STIM2: variants seen among roughly 807,000 people sequenced by gnomAD.
STIM2 encodes stromal interaction molecule 2.
Under a neutral mutation model 85.8 loss-of-function variants are expected in STIM2, and 31 were observed. That is an observed-to-expected ratio of 0.36 (90% CI 0.27 to 0.49). The LOEUF (loss-of-function observed/expected upper bound fraction) is 0.49, where lower values mean the gene tolerates loss of function less well. STIM2 is among the 20% of genes least tolerant of loss of function. STIM2 has a pLI of 0.98. For missense variants in STIM2, 841 were observed against 927.6 expected (o/e 0.91, Z 1.21); for synonymous variants, 356 against 331.1 (o/e 1.08, Z -0.82).
intron 1 of STIM2, among the ~76,000 whole-genome samples, chr4:26,914,256 CACTT>C (rs1560205225): frequency 1.3e-5 from 2 of 152,126 alleles, no homozygotes; most frequent in East Asian, 3.8e-4. Flanking sequence ...AAATGTGTAA[CACTT>C]AATTTTTATA....
At chr4:27,014,850 T>C (rs1028665089) in intron 10 of STIM2, among the ~76,000 whole-genome samples, 2 of 151,960 alleles carry the variant, frequency 1.3e-5, no homozygotes, top group South Asian at 4.1e-4. Flanking sequence ...GTTATATTGG[T>C]GAATACAAGT....
chr4:27,018,046 G>C, intron 11 of STIM2, 62 bp downstream of exon 11: 3 of 1,579,992 alleles, frequency 1.9e-6, no homozygotes, highest in Non-Finnish European at 2.6e-6. Context: ...GGTGTGAGGA[G>C]GGGGCGGGAG....
intron 1 of STIM2, chr4:26,861,581 C>T (rs1395021353): frequency 3.3e-6 from 2 of 614,590 alleles, no homozygotes; most frequent in Non-Finnish European, 4.6e-6. Flanking sequence ...AGCCTCTCGA[C>T]GGCACTGATT....
At position 27,003,084 on chromosome 4, in the gene STIM2, G is replaced by GC; in HGVS notation, c.962dup (p.Glu322ArgfsTer19). 1 of 1,582,112 alleles carries GC rather than the reference G, an allele frequency of 6.3e-7. No homozygotes were observed. ...ATGTGAATTGAGTAGACGTCAGTATGCAGAACAGGAATTGGAACAGGTATT... is the reference window on the plus strand; with the variant it reads ...ATGTGAATTGAGTAGACGTCAGTATGCCAGAACAGGAATTGGAACAGGTATT... On this transcript the variant is annotated frameshift_variant, in exon 7 of 12. Transcript: ENST00000467087. LOFTEE classifies it high-confidence loss of function.
chr4:26,960,901 T>G (rs573222789), intron 3 of STIM2, among the ~76,000 whole-genome samples: 3 of 151,646 alleles, frequency 2.0e-5, no homozygotes, highest in Non-Finnish European at 4.4e-5. Flanking sequence ...CTGTCTCTAC[T>G]AAAAATACAA....
chr4:26,973,110 G>A (rs1200440259), intron 3 of STIM2, among the ~76,000 whole-genome samples: 3 of 151,938 alleles, frequency 2.0e-5, no homozygotes, highest in Admixed American at 6.6e-5. Context: ...TTTTTATTGT[G>A]TCTATTTGAT....
chr4:26,898,396 A>G (rs188782762), intron 1 of STIM2, among the ~76,000 whole-genome samples: 45 of 152,244 alleles, frequency 3.0e-4, no homozygotes, highest in Non-Finnish European at 5.9e-4. Context: ...TTTTTGAATT[A>G]CTAGGTTTGA....
chr4:26,901,861 G>A (rs1723931003), intron 1 of STIM2, among the ~76,000 whole-genome samples: 1 of 152,128 alleles, frequency 6.6e-6, no homozygotes, highest in Admixed American at 6.6e-5. Context: ...TTTGGAGGAG[G>A]ATATGGGTTG....
At chr4:26,984,446 C>T (rs1230743365) in intron 3 of STIM2, among the ~76,000 whole-genome samples, 5 of 152,294 alleles carry the variant, frequency 3.3e-5, no homozygotes, top group South Asian at 2.1e-4. Context: ...CTGCAACCTC[C>T]GTGTCCCAGG....
chr4:26,905,108 A>G (rs1724076761), intron 1 of STIM2, among the ~76,000 whole-genome samples: 1 of 152,154 alleles, frequency 6.6e-6, no homozygotes, highest in Non-Finnish European at 1.5e-5. Flanking sequence ...GGAAGGAGGC[A>G]TTGGAGTTGA....
At chr4:26,920,766 T>C (rs992712993) in intron 2 of STIM2, among the ~76,000 whole-genome samples, 1 of 152,230 alleles carries the variant, frequency 6.6e-6, no homozygotes, top group Admixed American at 6.5e-5. Flanking sequence ...CCTTTTGCTT[T>C]CTGCCTGATG....
intron 1 of STIM2, among the ~76,000 whole-genome samples, chr4:26,876,847 G>A (rs1348681090): frequency 6.6e-6 from 1 of 152,020 alleles, no homozygotes; most frequent in Non-Finnish European, 1.5e-5. Context: ...ATGTGGAGAT[G>A]GTAAATAGAA....
chr4:26,894,252 C>T (rs533768763), intron 1 of STIM2, among the ~76,000 whole-genome samples: 3 of 151,848 alleles, frequency 2.0e-5, no homozygotes, highest in South Asian at 4.1e-4. Flanking sequence ...TTTGCCTTGT[C>T]TTTTTATATA....
chr4:26,972,135 T>A (rs1480193741), intron 3 of STIM2, among the ~76,000 whole-genome samples: 1 of 152,180 alleles, frequency 6.6e-6, no homozygotes, highest in Non-Finnish European at 1.5e-5. Flanking sequence ...TTAAGGAGAT[T>A]TGGGGCTGAG....
At position 27,009,399 on chromosome 4, in the gene STIM2, A is replaced by C. The variant is rs147817146; in HGVS notation, c.1489+397A>C. On this transcript the variant is annotated intron_variant, in intron 10 of 11. Transcript: ENST00000467087. Reference sequence around the variant, plus strand: ...TAATTGACAGTAAAGATAGCACACTATAAATGCCAAATCAGTGTGGGAATG... The same window carrying C: ...TAATTGACAGTAAAGATAGCACACTCTAAATGCCAAATCAGTGTGGGAATG... 4.8e-3 allele frequency among the ~76,000 whole-genome samples: 738 copies of C among 152,304 alleles called. 6 individuals carry two copies. Among genetic ancestry groups the C allele is most frequent in the African/African-American group, 0.017 (715 of 41,564 alleles).
intron 2 of STIM2, among the ~76,000 whole-genome samples, chr4:26,932,894 T>G (rs1204046706): frequency 2.6e-5 from 4 of 152,220 alleles, no homozygotes; most frequent in Non-Finnish European, 5.9e-5. Context: ...AGGCATCTGG[T>G]CATTTCATGG....
intron 3 of STIM2, among the ~76,000 whole-genome samples, chr4:26,982,780 T>G (rs934388891): frequency 1.1e-4 from 17 of 152,212 alleles, no homozygotes; most frequent in African/African-American, 3.6e-4. Flanking sequence ...TATTTCTTTT[T>G]TTTTATACTG....
At position 27,023,388 on chromosome 4, in the gene STIM2, A is replaced by G. The variant is rs1034584003; in HGVS notation, c.*392A>G. ...TTCTTGTTTACCAGAGCATCTTCTT[A>G]TCTTTCCACAGAGCTATTTACATCC... On this transcript the variant is annotated 3_prime_UTR_variant, in exon 12 of 12. Coordinates refer to ENST00000467087, the MANE Select transcript of STIM2 (RefSeq NM_020860.4). 1.0e-5 allele frequency: 2 copies of G among 198,444 alleles called. No individual in the cohort carries two copies. Among genetic ancestry groups the G allele is most frequent in the Non-Finnish European group, 2.1e-5 (2 of 95,266 alleles). The allele number at this position is 198,444 out of a possible 1,614,324, so 12.3% of individuals were successfully genotyped here. A position where few individuals can be genotyped will look rare whatever the true frequency, so the allele number is the denominator to read the frequency against.
At chr4:26,870,151 T>G (rs924807715) in intron 1 of STIM2, among the ~76,000 whole-genome samples, 4 of 152,144 alleles carry the variant, frequency 2.6e-5, no homozygotes, top group Non-Finnish European at 5.9e-5. Flanking sequence ...AATGGAGAGA[T>G]GTTGAAACTT....
Sources: gnomAD v4.1 joint callset for allele counts (sites outside exome capture counted in the v4.1 genomes callset) on GRCh38, gnomAD v4.1.1 for gene constraint, MANE v1.5 for transcripts, NCBI Gene and HGNC (gene_info 2026-07-23, HGNC 2026-07-21) for gene names.